DMXL2: variants seen among roughly 807,000 people sequenced by gnomAD.
DMXL2 encodes the protein Dmx like 2.
DMXL2 carries 103 observed loss-of-function variants against 331.1 expected under a neutral mutation model. The ratio of observed to expected loss-of-function variants is 0.31; its 90% CI spans 0.27 to 0.37. The LOEUF is 0.37. Ranked by LOEUF, DMXL2 falls within the 10% of genes least tolerant of loss-of-function variation. DMXL2 has a pLI of 1.00. For synonymous variants in DMXL2, 1,281 were observed against 1,252.1 expected, an observed-to-expected ratio of 1.02 and a Z score of -0.49; for missense variants, 3,171 against 3,642.9, an observed-to-expected ratio of 0.87 and a Z score of 3.33.
intron 1 of DMXL2, among the ~76,000 whole-genome samples, chr15:51,614,374 T>C (rs2054160786): frequency 1.3e-5 from 2 of 152,242 alleles, no homozygotes; most frequent in African/African-American, 2.4e-5. Context: ...ACAGAATCTC[T>C]ACACTCCAGG....
intron 1 of DMXL2, among the ~76,000 whole-genome samples, chr15:51,612,447 C>T (rs2054034551): frequency 6.6e-6 from 1 of 152,016 alleles, no homozygotes; most frequent in Non-Finnish European, 1.5e-5. Flanking sequence ...AAGTGTCGGC[C>T]AGTCTGGGAA....
chr15:51,597,841 G>C (rs1489757113), intron 1 of DMXL2, among the ~76,000 whole-genome samples: 1 of 152,128 alleles, frequency 6.6e-6, no homozygotes, highest in African/African-American at 2.4e-5. Context: ...AATCTGTTAG[G>C]TATATAATAG....
intron 6 of DMXL2, among the ~76,000 whole-genome samples, chr15:51,552,378 A>G (rs1403578194): frequency 6.6e-6 from 1 of 152,184 alleles, no homozygotes; most frequent in African/African-American, 2.4e-5. Flanking sequence ...ATGCTGACAC[A>G]GGTAGTGGCA....
In DMXL2 at chr15:51,531,125, C is replaced by G. The variant is rs940687105; in HGVS notation, c.2436+4538G>C. 2.0e-5 allele frequency among the ~76,000 whole-genome samples: 3 copies of G among 152,132 alleles called. No homozygotes were observed. The South Asian group carries it at 6.2e-4, about 32-fold the overall frequency. ...CTGGAAAAATCATATTATCTGACTT[C>G]AAATAATACTGCAGAGTTACAGTAA... On this transcript the variant is annotated intron_variant, in intron 13 of 43. Transcript: ENST00000560891.
intron 24 of DMXL2, among the ~76,000 whole-genome samples, 176 bp downstream of exon 24, chr15:51,480,366 T>C (rs1301584321): frequency 6.6e-6 from 1 of 152,198 alleles, no homozygotes; most frequent in Non-Finnish European, 1.5e-5. Context: ...TACTCCTTAT[T>C]ATCAAAACTT....
intron 18 of DMXL2, among the ~76,000 whole-genome samples, chr15:51,498,266 A>AAC (rs1567030333): frequency 1.3e-5 from 2 of 152,044 alleles, no homozygotes; most frequent in Non-Finnish European, 2.9e-5. Context: ...AACCCACCCA[A>AAC]ACACACACAA....
Position 51,488,615 on chromosome 15 carries a change from C to A in DMXL2, c.4984G>T (p.Asp1662Tyr). 1 of 1,611,654 alleles carries A rather than the reference C, an allele frequency of 6.2e-7. No individual in the cohort carries two copies. Among genetic ancestry groups the A allele is most frequent in the South Asian group, 1.1e-5 (1 of 90,218 alleles). ...VAKASFQRNN[D>Y]ALDAALFYLS... ...TAGAATAGTGCAGCATCTAAGGCAT[C>A]ATTGTTCCTTTGAAAAGAAGCTTTG... Residue 1662 changes from aspartate (D) to tyrosine (Y), a missense_variant, in exon 21 of 44, where the codon GAT becomes TAT. Coordinates refer to ENST00000560891, the MANE Select transcript of DMXL2 (RefSeq NM_001378457.1).
intron 13 of DMXL2, 29 bp downstream of exon 13, chr15:51,535,634 T>C (rs1196319289): frequency 3.9e-6 from 6 of 1,555,972 alleles, no homozygotes; most frequent in Non-Finnish European, 5.2e-6. Context: ...TCTCCTTAGA[T>C]AAATTAATAA....
At chr15:51,457,167 G>C in intron 37 of DMXL2, 161 bp downstream of exon 37, 1 of 804,812 alleles carries the variant, frequency 1.2e-6, no homozygotes, top group Non-Finnish European at 1.9e-6. Flanking sequence ...GCCAGACCCT[G>C]TCACCAAATA....
At chr15:51,605,574 T>C (rs1225322014) in intron 1 of DMXL2, among the ~76,000 whole-genome samples, 2 of 35,758 alleles carry the variant, frequency 5.6e-5, no homozygotes, top group Non-Finnish European at 1.4e-4. Context: ...TCTCGCTCTG[T>C]CGCCCAGGCC....
chr15:51,582,120 C>A (rs952308115), intron 1 of DMXL2, among the ~76,000 whole-genome samples: 1 of 152,062 alleles, frequency 6.6e-6, no homozygotes, highest in East Asian at 1.9e-4. Context: ...TTATTAAAAA[C>A]CTACTGGGTG....
At chr15:51,567,928 T>A (rs955984080) in intron 3 of DMXL2, 1 of 152,392 alleles carries the variant, frequency 6.6e-6, no homozygotes, top group East Asian at 1.9e-4. Context: ...ACGAAAAATT[T>A]AAAAATTAGC....
intron 1 of DMXL2, among the ~76,000 whole-genome samples, chr15:51,609,820 T>G (rs2053835416): frequency 6.6e-6 from 1 of 151,912 alleles, no homozygotes; most frequent in Admixed American, 6.6e-5. Flanking sequence ...TTCCAGCTAT[T>G]TGGGAGGTTG....
intron 6 of DMXL2, among the ~76,000 whole-genome samples, chr15:51,550,328 C>G (rs1029805534): frequency 1.3e-5 from 2 of 152,088 alleles, no homozygotes; most frequent in Admixed American, 6.6e-5. Flanking sequence ...GTTTTTCACT[C>G]AAAGGCATAA....
At chr15:51,536,045 A>T in intron 12 of DMXL2, 121 bp downstream of exon 12, 1 of 989,776 alleles carries the variant, frequency 1.0e-6, no homozygotes, top group Non-Finnish European at 1.4e-6. Flanking sequence ...ATTAAAAATC[A>T]CCTTAATGAA....
intron 22 of DMXL2, among the ~76,000 whole-genome samples, chr15:51,487,419 TAC>T (rs1397816498): frequency 8.1e-5 from 12 of 148,850 alleles, no homozygotes; most frequent in Admixed American, 6.6e-4. Flanking sequence ...TCATATATTT[TAC>T]ACATAGTCTT....
At chr15:51,509,824 C>T (rs1427717579) in intron 15 of DMXL2, among the ~76,000 whole-genome samples, 2 of 152,076 alleles carry the variant, frequency 1.3e-5, no homozygotes, top group African/African-American at 4.8e-5. Context: ...ACTGGCAAAC[C>T]GAATCCAGCA....
chr15:51,586,223 C>T (rs2051812451), intron 1 of DMXL2, among the ~76,000 whole-genome samples: 1 of 152,150 alleles, frequency 6.6e-6, no homozygotes, highest in African/African-American at 2.4e-5. Context: ...CTAATAACGA[C>T]TGCTTGTGTG....
In DMXL2 at chr15:51,500,115, A is replaced by G; in HGVS notation, c.3109T>C (p.Cys1037Arg). Residue 1037 changes from cysteine to arginine, a missense_variant, in exon 18 of 44, where the codon TGT becomes CGT. Physicochemically the swap from Cys to Arg is radical, Grantham distance 180. Around this residue, in one of 7 missense-constraint regions of DMXL2, gnomAD observed 1,674 missense variants for 1,780.2 expected, o/e 0.94. Transcript: ENST00000560891. Reference sequence around the variant, plus strand: ...ATTTCTTTCTCATCACTTTTATTACACTCTGGGTTGGCTTCCATACAACAT... The same window carrying G: ...ATTTCTTTCTCATCACTTTTATTACGCTCTGGGTTGGCTTCCATACAACAT... ...WKCCMEANPECNKSDEKEIYH... is the reference protein window; with the variant it reads ...WKCCMEANPERNKSDEKEIYH... 6.2e-7 allele frequency: 1 copy of G among 1,613,916 alleles called. No homozygotes were observed. The highest frequency in any genetic ancestry group is 8.5e-7 in the Non-Finnish European group (1 of 1,179,976).
Sources: allele counts gnomAD v4.1 joint callset (sites outside exome capture counted in the v4.1 genomes callset), GRCh38; gene constraint gnomAD v4.1.1; regional missense constraint gnomAD v4.1.1; transcripts MANE v1.5; gene names NCBI Gene and HGNC (gene_info 2026-07-23, HGNC 2026-07-21).